HS6ST3: variants seen among roughly 807,000 people sequenced by gnomAD.
HS6ST3 encodes the protein heparan-sulfate 6-O-sulfotransferase 3.
HS6ST3 carries 12 observed loss-of-function variants against 36.7 expected under a neutral mutation model. The observed-to-expected ratio is 0.33, with a 90% CI of 0.21 to 0.53. HS6ST3 has a LOEUF of 0.53. Among genes scored for constraint, HS6ST3 ranks in the 20% least tolerant of loss-of-function variants. The pLI, the probability that HS6ST3 is intolerant of heterozygous loss-of-function variation, is 0.95. For synonymous variants in HS6ST3, 240 were observed against 257.5 expected, an observed-to-expected ratio of 0.93 and a Z score of 0.65; for missense variants, 584 against 640.9, an observed-to-expected ratio of 0.91 and a Z score of 0.96.
chr13:96,281,400 T>C (rs1309105324), intron 1 of HS6ST3, among the ~76,000 whole-genome samples: 1 of 152,170 alleles, frequency 6.6e-6, no homozygotes, highest in African/African-American at 2.4e-5. Context: ...ACAAGAAAAC[T>C]AGAAACAACT....
At chr13:96,597,282 G>A (rs2056405115) in intron 1 of HS6ST3, among the ~76,000 whole-genome samples, 1 of 151,034 alleles carries the variant, frequency 6.6e-6, no homozygotes, top group South Asian at 2.1e-4. Context: ...GTACACAAAC[G>A]CTATGACACA....
At chr13:96,578,604 A>G (rs2138967255) in intron 1 of HS6ST3, among the ~76,000 whole-genome samples, 1 of 152,232 alleles carries the variant, frequency 6.6e-6, no homozygotes, top group Middle Eastern at 3.4e-3. Context: ...TCTGCCACCT[A>G]GGCTGTAGTG....
At chr13:96,197,045 G>A (rs1416051704) in intron 1 of HS6ST3, among the ~76,000 whole-genome samples, 1 of 152,214 alleles carries the variant, frequency 6.6e-6, no homozygotes, top group African/African-American at 2.4e-5. Context: ...ACAGAGGACT[G>A]GCTCATTGTC....
At chr13:96,130,501 A>T (rs780368030) in intron 1 of HS6ST3, among the ~76,000 whole-genome samples, 3 of 152,246 alleles carry the variant, frequency 2.0e-5, no homozygotes, top group Admixed American at 1.3e-4. Flanking sequence ...GAGATTAATT[A>T]CATCTGTCAT....
chr13:96,623,067 T>C (rs1374722869), intron 1 of HS6ST3, among the ~76,000 whole-genome samples: 1 of 152,222 alleles, frequency 6.6e-6, no homozygotes, highest in East Asian at 1.9e-4. Context: ...TATTATTTTT[T>C]ATTTATCTGC....
intron 1 of HS6ST3, among the ~76,000 whole-genome samples, chr13:96,768,411 G>T (rs1397050137): frequency 6.6e-6 from 1 of 152,190 alleles, no homozygotes; most frequent in Non-Finnish European, 1.5e-5. Flanking sequence ...TTAAGTACAC[G>T]TATAAGCCTT....
At chr13:96,754,301 A>G (rs1179580178) in intron 1 of HS6ST3, among the ~76,000 whole-genome samples, 1 of 152,166 alleles carries the variant, frequency 6.6e-6, no homozygotes, top group Non-Finnish European at 1.5e-5. Flanking sequence ...GGTGAATTGT[A>G]TTTAAAGATA....
At chr13:96,426,839 ATACATGCTTAC>A (rs1167934792) in intron 1 of HS6ST3, among the ~76,000 whole-genome samples, 1 of 152,182 alleles carries the variant, frequency 6.6e-6, no homozygotes, top group Non-Finnish European at 1.5e-5. Flanking sequence ...GATTTTGGTG[ATACATGCTTAC>A]TCCTGAATAA....
chr13:96,805,576 A>C (rs191169504), intron 1 of HS6ST3, among the ~76,000 whole-genome samples: 50 of 152,358 alleles, frequency 3.3e-4, no homozygotes, highest in Admixed American at 1.8e-3. Flanking sequence ...ACTATGTGCC[A>C]AGCACTGTGC....
chr13:96,693,657 CT>C (rs34000278), intron 1 of HS6ST3, among the ~76,000 whole-genome samples: 137 of 152,242 alleles, frequency 9.0e-4, no homozygotes, highest in Middle Eastern at 3.4e-3. Flanking sequence ...ATTGTTTCAG[CT>C]ATTTATTCTC....
At chr13:96,338,199 A>G (rs11842501) in intron 1 of HS6ST3, among the ~76,000 whole-genome samples, 10,691 of 151,882 alleles carry the variant, frequency 0.07, 465 homozygotes, top group Middle Eastern at 0.12. Flanking sequence ...TGCAGTTGCT[A>G]TGTAAGGGTG....
chr13:96,770,041 C>G (rs1420876031), intron 1 of HS6ST3, among the ~76,000 whole-genome samples: 1 of 152,100 alleles, frequency 6.6e-6, no homozygotes, highest in African/African-American at 2.4e-5. Flanking sequence ...TTCACTCTTG[C>G]CCTTGAAACG....
intron 1 of HS6ST3, among the ~76,000 whole-genome samples, chr13:96,746,185 A>G (rs1477175358): frequency 6.6e-6 from 1 of 152,086 alleles, no homozygotes; most frequent in African/African-American, 2.4e-5. Context: ...TTATATAGTT[A>G]TGTATCTAAC....
chr13:96,678,575 T>C (rs964584357), intron 1 of HS6ST3, among the ~76,000 whole-genome samples: 1 of 151,886 alleles, frequency 6.6e-6, no homozygotes, highest in African/African-American at 2.4e-5. Context: ...CTCGGGAGGC[T>C]GAGGCAGAGA....
intron 1 of HS6ST3, among the ~76,000 whole-genome samples, chr13:96,477,184 T>C (rs983942934): frequency 6.6e-6 from 1 of 152,146 alleles, no homozygotes; most frequent in African/African-American, 2.4e-5. Context: ...TGATAAACCT[T>C]TGGAGTTCCT....
intron 1 of HS6ST3, among the ~76,000 whole-genome samples, chr13:96,506,939 G>A (rs1238818426): frequency 6.6e-6 from 1 of 152,104 alleles, no homozygotes; most frequent in African/African-American, 2.4e-5. Context: ...TGAACATGTT[G>A]TTTTCCACAC....
intron 1 of HS6ST3, among the ~76,000 whole-genome samples, chr13:96,568,081 G>A (rs967314779): frequency 2.0e-5 from 3 of 152,168 alleles, no homozygotes; most frequent in East Asian, 1.9e-4. Flanking sequence ...AATGAAAAAC[G>A]TGCATGTCTT....
chr13:96,332,903 G>T (rs755044952), intron 1 of HS6ST3, among the ~76,000 whole-genome samples: 2 of 152,192 alleles, frequency 1.3e-5, no homozygotes, highest in African/African-American at 2.4e-5. Flanking sequence ...AGGTGATTAA[G>T]TCATTAGGGC....
At chr13:96,140,189 C>A (rs1453860035) in intron 1 of HS6ST3, among the ~76,000 whole-genome samples, 11 of 152,020 alleles carry the variant, frequency 7.2e-5, no homozygotes, top group African/African-American at 2.4e-4. Context: ...CAAACACATA[C>A]CATACATACT....
Sources: gnomAD v4.1 joint callset for allele counts (sites outside exome capture counted in the v4.1 genomes callset) on GRCh38, gnomAD v4.1.1 for gene constraint, MANE v1.5 for transcripts, NCBI Gene and HGNC (gene_info 2026-07-23, HGNC 2026-07-21) for gene names.